Variants in VPS13D observed in about 807,000 individuals in gnomAD.
VPS13D encodes the protein vacuolar protein sorting 13 homolog D, also known as intermembrane lipid transfer protein VPS13D.
In VPS13D, 187 loss-of-function variants were observed where a neutral mutation model predicts 461.9. The observed-to-expected ratio is 0.40, with a 90% CI of 0.36 to 0.46. VPS13D has a LOEUF of 0.46. Among genes scored for constraint, VPS13D ranks in the 20% least tolerant of loss-of-function variants. The probability of loss-of-function intolerance (pLI) is 0.60; values close to 1 mark genes in which losing one functional copy is unlikely to be tolerated. For missense variants in VPS13D, 4,711 were observed against 5,364.9 expected, an observed-to-expected ratio of 0.88 and a Z score of 3.81; for synonymous variants, 1,951 against 1,986.3, an observed-to-expected ratio of 0.98 and a Z score of 0.47.
intron 67 of VPS13D, among the ~76,000 whole-genome samples, chr1:12,468,787 C>CT (rs1433401954): frequency 2.0e-5 from 3 of 152,218 alleles, no homozygotes; most frequent in Non-Finnish European, 2.9e-5. Context: ...AATCCCAACA[C>CT]TTTGGGAGGC....
intron 65 of VPS13D, among the ~76,000 whole-genome samples, chr1:12,447,901 C>G (rs982473242): frequency 1.3e-5 from 2 of 152,182 alleles, no homozygotes; most frequent in African/African-American, 4.8e-5. Flanking sequence ...CATATTTATG[C>G]TTTCCTTTGT....
At chr1:12,251,467 G>A (rs1288238829) in intron 6 of VPS13D, among the ~76,000 whole-genome samples, 4 of 152,076 alleles carry the variant, frequency 2.6e-5, no homozygotes, top group African/African-American at 4.8e-5. Context: ...CTTTCCATTT[G>A]TCCTATACCA....
intron 54 of VPS13D, among the ~76,000 whole-genome samples, chr1:12,373,042 C>T (rs1285432746): frequency 7.0e-6 from 1 of 142,410 alleles, no homozygotes; most frequent in Non-Finnish European, 1.5e-5. Flanking sequence ...TGATGCTGAT[C>T]ATCTGCCTGG....
chr1:12,339,352 A>T (rs572214948), intron 40 of VPS13D, among the ~76,000 whole-genome samples: 1 of 152,206 alleles, frequency 6.6e-6, no homozygotes, highest in Non-Finnish European at 1.5e-5. Context: ...TCTGCTTCTT[A>T]TGATTTACAA....
At chr1:12,358,822 G>A (rs1315498373) in intron 50 of VPS13D, among the ~76,000 whole-genome samples, 2 of 152,144 alleles carry the variant, frequency 1.3e-5, no homozygotes, top group Admixed American at 1.3e-4. Context: ...TTTGAGGTCT[G>A]TGGCTCTGTT....
Position 12,283,012 on chromosome 1 carries a change from T to G in VPS13D, c.4910T>G (p.Leu1637Trp), listed in dbSNP as rs771783373. The G allele has an allele frequency of 6.2e-7, 1 of 1,613,890 alleles. No individual in the cohort carries two copies. Among genetic ancestry groups the G allele is most frequent in the South Asian group, 1.1e-5 (1 of 91,062 alleles). ...LQVQLSGDLT[L>W]GAQGLVSLKF... Reference sequence around the variant, plus strand: ...GTTCAGCTAAGTGGAGATCTGACTTTGGGGGCCCAAGGTCTTGTGAGCTTA... The same window carrying G: ...GTTCAGCTAAGTGGAGATCTGACTTGGGGGGCCCAAGGTCTTGTGAGCTTA... Residue 1637 changes from leucine (L) to tryptophan (W), a missense_variant, in exon 21 of 70, where the codon TTG (leucine) becomes TGG (tryptophan). Around this residue, in one of 3 missense-constraint regions of VPS13D, gnomAD observed 4,411 missense variants for 4,937.8 expected, o/e 0.89. Transcript: ENST00000620676.
chr1:12,485,768 A>G (rs951396883), intron 67 of VPS13D, among the ~76,000 whole-genome samples: 2 of 152,238 alleles, frequency 1.3e-5, no homozygotes, highest in Non-Finnish European at 2.9e-5. Flanking sequence ...TTGATGGACT[A>G]TGACAATCAG....
At chr1:12,258,291 A>C (rs1225824805) in intron 10 of VPS13D, among the ~76,000 whole-genome samples, 188 bp downstream of exon 10, 2 of 152,174 alleles carry the variant, frequency 1.3e-5, no homozygotes, top group Non-Finnish European at 2.9e-5. Flanking sequence ...CTGCTGCCCG[A>C]GGAGAGCCGG....
rs1398743303 is a variant in VPS13D at position 12,290,134 on chromosome 1, G to A, written c.5726-864G>A. Reference sequence around the variant, plus strand: ...ATAGATTCACATTCTAGTCGTACATGTTTCAGTCACGTCTTCTTTCTTCTT... The same window carrying A: ...ATAGATTCACATTCTAGTCGTACATATTTCAGTCACGTCTTCTTTCTTCTT... On this transcript the variant is annotated intron_variant, in intron 22 of 69. Transcript: ENST00000620676. 3.3e-5 allele frequency among the ~76,000 whole-genome samples: 5 copies of A among 152,076 alleles called. No individual in the cohort carries two copies. The East Asian group carries it at 7.7e-4, about 23-fold the overall frequency.
chr1:12,233,512 C>T (rs1484852336), intron 1 of VPS13D, among the ~76,000 whole-genome samples: 20 of 152,116 alleles, frequency 1.3e-4, no homozygotes, highest in Admixed American at 1.3e-3. Flanking sequence ...AAAAATGCCT[C>T]CAGAGATTAC....
At chr1:12,331,890 A>G (rs947247557) in intron 37 of VPS13D, among the ~76,000 whole-genome samples, 1 of 152,154 alleles carries the variant, frequency 6.6e-6, no homozygotes, top group African/African-American at 2.4e-5. Flanking sequence ...TAAGGAGTCT[A>G]ATGTATCTAC....
Position 12,253,795 on chromosome 1 carries a change from T to C in VPS13D, c.638T>C (p.Leu213Ser), listed in dbSNP as rs745595760. The change falls in exon 7 of 70, where the codon TTA (leucine) becomes TCA (serine). Residue 213 changes from leucine to serine, a missense_variant. By Grantham distance (145) the Leu-to-Ser change is moderately radical. Coordinates refer to ENST00000620676, the MANE Select transcript of VPS13D (RefSeq NM_015378.4). Reference sequence around the variant, plus strand: ...ATCTATTGGGATGTCGATTGCACTTTACTGGGGGATTTGCCTCAGATGGAG... The same window carrying C: ...ATCTATTGGGATGTCGATTGCACTTCACTGGGGGATTTGCCTCAGATGGAG... ...FSIYWDVDCT[L>S]LGDLPQMELQ... 29 of 1,613,996 alleles carry C rather than the reference T, an allele frequency of 1.8e-5. No individual in the cohort carries two copies. Among genetic ancestry groups the C allele is most frequent in the Non-Finnish European group, 2.3e-5 (27 of 1,179,998 alleles).
intron 25 of VPS13D, among the ~76,000 whole-genome samples, chr1:12,301,089 G>T (rs1385667775): frequency 6.6e-6 from 1 of 152,168 alleles, no homozygotes; most frequent in Non-Finnish European, 1.5e-5. Flanking sequence ...ATACATAGCT[G>T]CCATTTGCTG....
chr1:12,350,333 T>G (rs1282951094), intron 46 of VPS13D, among the ~76,000 whole-genome samples: 1 of 152,194 alleles, frequency 6.6e-6, no homozygotes, highest in Non-Finnish European at 1.5e-5. Context: ...ATGTATTTCC[T>G]GATCACAATA....
Position 12,260,930 on chromosome 1 carries a change from C to G in VPS13D, c.1213-18C>G. ...TTATCTTTGAGTACTCATCTCTGCT[C>G]CTTTGTGATTGACACAGAGTCTGCG... On this transcript the variant is annotated intron_variant, in intron 11 of 69. Coordinates refer to ENST00000620676, the MANE Select transcript of VPS13D (RefSeq NM_015378.4). The G allele has an allele frequency of 6.2e-7, 1 of 1,614,090 alleles. No homozygotes were observed. The highest frequency in any genetic ancestry group is 8.5e-7 in the Non-Finnish European group (1 of 1,179,992).
chr1:12,400,789 T>C (rs1279615907), intron 61 of VPS13D, among the ~76,000 whole-genome samples: 1 of 151,930 alleles, frequency 6.6e-6, no homozygotes, highest in East Asian at 1.9e-4. Flanking sequence ...CTCATTTCTA[T>C]AAAAAATACA....
intron 24 of VPS13D, among the ~76,000 whole-genome samples, chr1:12,297,434 G>A (rs1642308086): frequency 1.3e-5 from 2 of 152,176 alleles, no homozygotes. Flanking sequence ...AACTGGTATA[G>A]TAAAGTAATG....
Position 12,361,457 on chromosome 1 carries a change from G to A in VPS13D, c.10142-1263G>A, listed in dbSNP as rs1033049746. On this transcript the variant is annotated intron_variant, in intron 50 of 69. Transcript: ENST00000620676. ...GTCGCCCAGGCTGGAGTGCAGTGGCGGGATCTCGGCTCACTGCAAGCTCCG... is the reference window on the plus strand; with the variant it reads ...GTCGCCCAGGCTGGAGTGCAGTGGCAGGATCTCGGCTCACTGCAAGCTCCG... 2.7e-5 allele frequency among the ~76,000 whole-genome samples: 4 copies of A among 146,890 alleles called. No individual in the cohort carries two copies. The East Asian group carries it at 5.9e-4, about 22-fold the overall frequency.
chr1:12,259,042 C>CTT (rs201506361), intron 10 of VPS13D, among the ~76,000 whole-genome samples: 21 of 150,402 alleles, frequency 1.4e-4, no homozygotes, highest in African/African-American at 5.1e-4. Context: ...TTTTCTTCTT[C>CTT]TTCTTTTTTT....
Sources: allele counts gnomAD v4.1 joint callset (sites outside exome capture counted in the v4.1 genomes callset), GRCh38; gene constraint gnomAD v4.1.1; regional missense constraint gnomAD v4.1.1; transcripts MANE v1.5; gene names NCBI Gene and HGNC (gene_info 2026-07-23, HGNC 2026-07-21).